Variants in SLC25A21 observed in about 807,000 individuals in gnomAD.
SLC25A21 encodes the protein solute carrier family 25 member 21, also known as mitochondrial 2-oxodicarboxylate carrier.
A neutral mutation model predicts 43.8 loss-of-function variants in SLC25A21; 47 were observed. The observed-to-expected ratio is 1.07, with a 90% CI of 0.85 to 1.37. The LOEUF is 1.37. Ranked by LOEUF, SLC25A21 falls within the 40% of genes most tolerant of loss-of-function variation. The pLI is 0.00. For synonymous variants in SLC25A21, 131 were observed against 121.3 expected, an observed-to-expected ratio of 1.08 and a Z score of -0.52; for missense variants, 352 against 350.2, an observed-to-expected ratio of 1.00 and a Z score of -0.04.
chr14:36,912,659 A>C (rs1891723733), intron 1 of SLC25A21, among the ~76,000 whole-genome samples: 1 of 152,236 alleles, frequency 6.6e-6, no homozygotes, highest in African/African-American at 2.4e-5. Context: ...ATTAATGTTC[A>C]ATGTATAAAG....
At chr14:37,164,095 T>C (rs1963993533) in intron 1 of SLC25A21, among the ~76,000 whole-genome samples, 1 of 152,208 alleles carries the variant, frequency 6.6e-6, no homozygotes, top group Middle Eastern at 3.2e-3. Flanking sequence ...AAGTTTTATG[T>C]CAGTTGAATC....
At chr14:37,065,114 T>A (rs1962033274) in intron 1 of SLC25A21, among the ~76,000 whole-genome samples, 1 of 152,188 alleles carries the variant, frequency 6.6e-6, no homozygotes, top group African/African-American at 2.4e-5. Context: ...GGAGTAGGAA[T>A]AATCTATGGT....
intron 1 of SLC25A21, among the ~76,000 whole-genome samples, chr14:37,153,183 A>G (rs1301486939): frequency 6.6e-6 from 1 of 152,216 alleles, no homozygotes; most frequent in East Asian, 1.9e-4. Context: ...ACGAAGGGAC[A>G]GGGCTGCTCC....
Position 36,730,885 on chromosome 14 carries a change from G to A in SLC25A21, c.271-1319C>T, listed in dbSNP as rs112945595. Among the ~76,000 whole-genome samples the A allele has an allele frequency of 4.3e-3, 655 of 152,104 alleles. 8 individuals carry two copies. Among genetic ancestry groups the A allele is most frequent in the South Asian group, 0.031 (147 of 4,810 alleles). ...CCCTGGTGTTAAAATAGTACTCAAC[G>A]GCAAACACCAGGGACCACCACTTTT... is the stretch of plus-strand genomic sequence containing the variant. On this transcript the variant is annotated intron_variant, in intron 4 of 9. Transcript: ENST00000331299.
chr14:37,152,139 T>C (rs1298251181), intron 1 of SLC25A21, among the ~76,000 whole-genome samples: 3 of 152,108 alleles, frequency 2.0e-5, no homozygotes, highest in Non-Finnish European at 4.4e-5. Context: ...TTATCTTACT[T>C]TTTAAAATCT....
intron 1 of SLC25A21, among the ~76,000 whole-genome samples, chr14:37,046,176 G>A (rs1455935013): frequency 1.3e-5 from 2 of 152,022 alleles, no homozygotes; most frequent in African/African-American, 4.8e-5. Flanking sequence ...TCTGCCTCAA[G>A]GGTTCTTGCT....
chr14:36,872,690 A>G (rs936545112), intron 2 of SLC25A21, among the ~76,000 whole-genome samples: 3 of 152,234 alleles, frequency 2.0e-5, no homozygotes, highest in African/African-American at 7.2e-5. Flanking sequence ...ACCTGGAAGG[A>G]CTGTATCTTC....
chr14:36,973,683 G>C (rs1959805820), intron 1 of SLC25A21, among the ~76,000 whole-genome samples: 2 of 152,178 alleles, frequency 1.3e-5, no homozygotes, highest in South Asian at 4.1e-4. Flanking sequence ...TTTTCACTAG[G>C]ACAATTAAAG....
chr14:37,127,432 T>A (rs1331540027), intron 1 of SLC25A21, among the ~76,000 whole-genome samples: 2 of 152,242 alleles, frequency 1.3e-5, no homozygotes, highest in Non-Finnish European at 2.9e-5. Context: ...ACTTTAATGC[T>A]GCACAAAGCG....
At chr14:36,914,036 TAACTTTTCC>T (rs1455268248) in intron 1 of SLC25A21, among the ~76,000 whole-genome samples, 1 of 152,196 alleles carries the variant, frequency 6.6e-6, no homozygotes, top group Non-Finnish European at 1.5e-5. Context: ...CCTTAACAAG[TAACTTTTCC>T]AACTCAAATC....
intron 2 of SLC25A21, among the ~76,000 whole-genome samples, chr14:36,858,170 C>A (rs2138526853): frequency 6.6e-6 from 1 of 152,192 alleles, no homozygotes; most frequent in East Asian, 1.9e-4. Flanking sequence ...GTTTGCAAAA[C>A]CTCTTTTCTC....
chr14:36,935,277 C>CATAAAAA (rs1158703475), intron 1 of SLC25A21, among the ~76,000 whole-genome samples: 1 of 152,060 alleles, frequency 6.6e-6, no homozygotes, highest in East Asian at 1.9e-4. Context: ...TTTTATCACC[C>CATAAAAA]ATATCTTTCC....
At chr14:36,901,856 T>C (rs1301227630) in intron 1 of SLC25A21, among the ~76,000 whole-genome samples, 1 of 152,222 alleles carries the variant, frequency 6.6e-6, no homozygotes, top group African/African-American at 2.4e-5. Context: ...TCATTCTGAA[T>C]GTTCACTTAA....
intron 1 of SLC25A21, among the ~76,000 whole-genome samples, chr14:36,886,141 A>G (rs1890905411): frequency 6.6e-6 from 1 of 152,198 alleles, no homozygotes; most frequent in Admixed American, 6.6e-5. Flanking sequence ...CAAGCAAATC[A>G]TTACAACATC....
intron 2 of SLC25A21, among the ~76,000 whole-genome samples, chr14:36,871,238 T>C (rs1211368418): frequency 2.0e-5 from 3 of 151,934 alleles, no homozygotes; most frequent in Non-Finnish European, 1.5e-5. Flanking sequence ...TGCCCTTATA[T>C]GAGAGACCCT....
At chr14:36,711,198 A>C in intron 7 of SLC25A21, 120 bp downstream of exon 7, 1 of 866,020 alleles carries the variant, frequency 1.2e-6, no homozygotes. Context: ...GTAAGGATCA[A>C]ATTAGATAAT....
At chr14:36,897,281 C>T (rs1891268986) in intron 1 of SLC25A21, among the ~76,000 whole-genome samples, 1 of 152,164 alleles carries the variant, frequency 6.6e-6, no homozygotes, top group Admixed American at 6.6e-5. Context: ...CGCTTCTTTT[C>T]ATTCATTTCA....
At chr14:36,905,406 T>C (rs149615911) in intron 1 of SLC25A21, among the ~76,000 whole-genome samples, 431 of 152,322 alleles carry the variant, frequency 2.8e-3, no homozygotes, top group Admixed American at 5.7e-3. Context: ...CTGTGTAAGC[T>C]AGATTCTGTG....
rs143465814 is a variant in SLC25A21, at chr14:37,017,077, T to A, written c.71-142073A>T. On this transcript the variant is annotated intron_variant, in intron 1 of 9. Coordinates refer to ENST00000331299, the MANE Select transcript of SLC25A21 (RefSeq NM_030631.4). ...ATCATTTGTTTGTCCACTGGAATAG[T>A]ACTTTTCATTTACTCACTTCAATAA... is the stretch of plus-strand genomic sequence containing the variant. 4.4e-3 allele frequency among the ~76,000 whole-genome samples: 671 copies of A among 152,186 alleles called. 3 individuals are homozygous for A. The highest frequency in any genetic ancestry group is 0.016 in the African/African-American group (645 of 41,544).
Sources: gnomAD v4.1 joint callset for allele counts (sites outside exome capture counted in the v4.1 genomes callset) on GRCh38, gnomAD v4.1.1 for gene constraint, MANE v1.5 for transcripts, NCBI Gene and HGNC (gene_info 2026-07-23, HGNC 2026-07-21) for gene names.